The following CHST10 variants were observed in gnomAD, a reference collection of about 807,000 sequenced individuals.
CHST10 encodes carbohydrate sulfotransferase 10, also known as HNK-1 sulfotransferase.
In CHST10, 24 loss-of-function variants were observed where a neutral mutation model predicts 34.7. The observed-to-expected ratio is 0.69, with a 90% CI of 0.50 to 0.97. The LOEUF is 0.97. Among genes scored for constraint, CHST10 ranks in the 50% least tolerant of loss-of-function variants. The pLI is 0.00. For synonymous variants in CHST10, 161 were observed against 169.3 expected (o/e 0.95, Z 0.38); for missense variants, 402 against 452.1 (o/e 0.89, Z 1.00).
chr2:100,398,766 G>A lies in CHST10; in HGVS notation c.193-624C>T, dbSNP rs539734182. ...AAGTTTGGAATCCTCTAGCTAGGGGGAAAAAGATGAAAAAGCTCAAATTCT... is the reference window on the plus strand; with the variant it reads ...AAGTTTGGAATCCTCTAGCTAGGGGAAAAAAGATGAAAAAGCTCAAATTCT... On this transcript the variant is annotated intron_variant, in intron 4 of 6. Coordinates refer to ENST00000264249, the MANE Select transcript of CHST10 (RefSeq NM_004854.5). 9.9e-5 allele frequency among the ~76,000 whole-genome samples: 15 copies of A among 152,280 alleles called. 1 individual carries two copies. The highest frequency in any genetic ancestry group is 9.8e-4 in the Admixed American group (15 of 15,302).
chr2:100,415,094 T>G lies in CHST10; in HGVS notation c.-86A>C, dbSNP rs1676011451. On this transcript the variant is annotated 5_prime_UTR_variant, in exon 2 of 7. Coordinates refer to ENST00000264249, the MANE Select transcript of CHST10 (RefSeq NM_004854.5). The stretch of plus-strand genomic sequence containing the variant: ...TGCTGTGTTTCCCCTGAACTGAGGT[T>G]CTTGGTTCCTCTTGTCACTGGATAG... 2 of 1,301,584 alleles carry G rather than the reference T, an allele frequency of 1.5e-6. No homozygotes were observed. Among genetic ancestry groups the G allele is most frequent in the African/African-American group, 3.0e-5 (2 of 65,838 alleles). 80.6% of individuals were successfully genotyped at this position (1,301,584 alleles called of 1,614,324 possible). A position where few individuals can be genotyped will look rare whatever the true frequency, so the allele number is the denominator to read the frequency against.
chr2:100,416,769 A>G (rs970817214), intron 1 of CHST10: 5 of 363,068 alleles, frequency 1.4e-5, no homozygotes, highest in Non-Finnish European at 2.2e-5. Flanking sequence ...TGGCTGCACT[A>G]CTTTCCATTC....
chr2:100,414,914 G>A (rs981027850), intron 2 of CHST10, 127 bp downstream of exon 2: 5 of 495,834 alleles, frequency 1.0e-5, no homozygotes, highest in Non-Finnish European at 1.6e-5. Context: ...TTAAGGAAAC[G>A]TTTCTAAGCA....
At chr2:100,399,818 T>C (rs925228702) in intron 4 of CHST10, among the ~76,000 whole-genome samples, 4 of 152,226 alleles carry the variant, frequency 2.6e-5, no homozygotes, top group African/African-American at 7.2e-5. Context: ...TGGGGGCTAC[T>C]GACTGCCTGC....
intron 1 of CHST10, 120 bp downstream of exon 1, chr2:100,417,254 A>C: frequency 2.7e-6 from 1 of 366,496 alleles, no homozygotes. Flanking sequence ...TCGCCAAAAC[A>C]CACCGGGATG....
At chr2:100,398,516 C>A (rs186815626) in intron 4 of CHST10, among the ~76,000 whole-genome samples, 1 of 152,184 alleles carries the variant, frequency 6.6e-6, no homozygotes, top group East Asian at 1.9e-4. Flanking sequence ...TCAGCCTGGC[C>A]AAGATAGTAA....
chr2:100,395,271 G>A (rs1420932585), intron 6 of CHST10, among the ~76,000 whole-genome samples: 1 of 152,208 alleles, frequency 6.6e-6, no homozygotes, highest in East Asian at 1.9e-4. Context: ...ACAAAATGAT[G>A]TCACCTTCAT....
At position 100,392,801 on chromosome 2, in the gene CHST10, C is replaced by CGG; in HGVS notation, c.*443_*444insCC. On this transcript the variant is annotated 3_prime_UTR_variant, in exon 7 of 7. Transcript: ENST00000264249. Reference sequence around the variant, plus strand: ...CGATTTCAGCAGCCCCCTTGCTTCTCTGTCCCTCCTCAGAGTCCTGGGTGC... The same window carrying CGG: ...CGATTTCAGCAGCCCCCTTGCTTCTCGGTGTCCCTCCTCAGAGTCCTGGGTGC... 1 of 175,818 alleles carries CGG rather than the reference C, an allele frequency of 5.7e-6. No homozygotes were observed. Among genetic ancestry groups the CGG allele is most frequent in the South Asian group, 1.5e-4 (1 of 6,886 alleles). 10.9% of individuals were successfully genotyped at this position (175,818 alleles called of 1,614,324 possible).
chr2:100,397,890 CAGT>C lies in CHST10; in HGVS notation c.427+15_427+17del, dbSNP rs757183820. 6.9e-6 allele frequency: 11 copies of C among 1,590,440 alleles called. No individual in the cohort carries two copies. In the South Asian group the frequency reaches 1.3e-4, roughly 18 times the overall value. On this transcript the variant is annotated intron_variant, in intron 5 of 6. Coordinates refer to ENST00000264249, the MANE Select transcript of CHST10 (RefSeq NM_004854.5). ...ACCAAGACCCTTCCCAGTGGACATT[CAGT>C]AGACCCACACACACCATTTAGAACA...
intron 4 of CHST10, among the ~76,000 whole-genome samples, chr2:100,401,029 T>A (rs1675316989): frequency 6.6e-6 from 1 of 152,180 alleles, no homozygotes; most frequent in Admixed American, 6.5e-5. Context: ...TGTTGATAAA[T>A]CCCCTTTCTT....
chr2:100,400,205 T>C (rs887577180), intron 4 of CHST10, among the ~76,000 whole-genome samples: 1 of 152,182 alleles, frequency 6.6e-6, no homozygotes, highest in Admixed American at 6.5e-5. Context: ...GAAAAGATAT[T>C]AGATATTGCT....
chr2:100,399,932 G>A (rs1427379956), intron 4 of CHST10, among the ~76,000 whole-genome samples: 2 of 152,158 alleles, frequency 1.3e-5, no homozygotes, highest in African/African-American at 4.8e-5. Context: ...CACCCACCAT[G>A]GAAAACCAGG....
chr2:100,415,470 G>A (rs1394468337), intron 1 of CHST10, among the ~76,000 whole-genome samples: 1 of 152,072 alleles, frequency 6.6e-6, no homozygotes, highest in Non-Finnish European at 1.5e-5. Flanking sequence ...AATGTTCTCT[G>A]GATTTTCGTA....
chr2:100,414,811 C>T (rs1328584833), intron 2 of CHST10, among the ~76,000 whole-genome samples: 2 of 152,076 alleles, frequency 1.3e-5, no homozygotes, highest in Admixed American at 6.5e-5. Flanking sequence ...ATACAGTAAA[C>T]ACCTGTATGG....
intron 2 of CHST10, among the ~76,000 whole-genome samples, chr2:100,411,087 A>G (rs577850186): frequency 6.8e-6 from 1 of 147,950 alleles, no homozygotes; most frequent in South Asian, 2.2e-4. Context: ...TACAATTCAT[A>G]TTTTAAATAT....
rs553845110 is a variant in CHST10 at position 100,408,072 on chromosome 2, C to T, written c.-32-1365G>A. 3.3e-5 allele frequency: 5 copies of T among 152,038 alleles called. No individual in the cohort carries two copies. The East Asian group carries it at 5.8e-4, about 18-fold the overall frequency. 9.4% of individuals were successfully genotyped at this position (152,038 alleles called of 1,614,324 possible). A position where few individuals can be genotyped will look rare whatever the true frequency, so the allele number is the denominator to read the frequency against. On this transcript the variant is annotated intron_variant, in intron 2 of 6. Coordinates refer to ENST00000264249, the MANE Select transcript of CHST10 (RefSeq NM_004854.5). ...AGTGTCCTTCCCAGGTTCCCCAAGTCGGGTTGAACAAATAAAAACACAGGA... is the reference window on the plus strand; with the variant it reads ...AGTGTCCTTCCCAGGTTCCCCAAGTTGGGTTGAACAAATAAAAACACAGGA...
At chr2:100,416,678 T>C (rs781344528) in intron 1 of CHST10, 30 of 314,940 alleles carry the variant, frequency 9.5e-5, no homozygotes, top group Non-Finnish European at 1.6e-4. Context: ...CAGACTCTGG[T>C]TTTCAGACAA....
At chr2:100,397,540 C>T (rs545151457) in intron 5 of CHST10, among the ~76,000 whole-genome samples, 50 of 152,186 alleles carry the variant, frequency 3.3e-4, no homozygotes, top group African/African-American at 1.2e-3. Context: ...GGTGGCTCTG[C>T]GAGTGTGGGG....
intron 4 of CHST10, among the ~76,000 whole-genome samples, chr2:100,400,901 G>C (rs1675309230): frequency 6.6e-6 from 1 of 151,800 alleles, no homozygotes; most frequent in African/African-American, 2.4e-5. Flanking sequence ...GGCTGGTCTT[G>C]AACTCCTGAC....
Sources: allele counts gnomAD v4.1 joint callset (sites outside exome capture counted in the v4.1 genomes callset), GRCh38; gene constraint gnomAD v4.1.1; transcripts MANE v1.5; gene names NCBI Gene and HGNC (gene_info 2026-07-23, HGNC 2026-07-21).